The following SNTG2 variants were observed in gnomAD, a reference collection of about 807,000 sequenced individuals.
SNTG2 encodes gamma-2-syntrophin.
SNTG2 carries 74 observed loss-of-function variants against 70.9 expected under a neutral mutation model. That is an observed-to-expected ratio of 1.04 (90% CI 0.86 to 1.27). The LOEUF is 1.27. Ranked by LOEUF, SNTG2 falls within the 50% of genes most tolerant of loss-of-function variation. The pLI is 0.00. For synonymous variants in SNTG2, 278 were observed against 273.8 expected (o/e 1.02, Z -0.15); for missense variants, 717 against 690.7 (o/e 1.04, Z -0.43).
chr2:1,069,354 CTCTTG>C (rs1003653647), intron 1 of SNTG2, among the ~76,000 whole-genome samples: 29 of 150,264 alleles, frequency 1.9e-4, no homozygotes, highest in African/African-American at 6.8e-4. Context: ...AAAAAAAAAC[CTCTTG>C]TCTTCTGATT....
rs1351304745 is a variant in SNTG2 at position 1,137,829 on chromosome 2, T to C, written c.411+20T>C. ...GAAGTGGTAAGTGAATTACATTTTATAGTTATTCTGTTTATTATTCTTGTA... is the reference window on the plus strand; with the variant it reads ...GAAGTGGTAAGTGAATTACATTTTACAGTTATTCTGTTTATTATTCTTGTA... On this transcript the variant is annotated intron_variant, in intron 6 of 16. Transcript: ENST00000308624. 6.3e-7 allele frequency: 1 copy of C among 1,588,750 alleles called. No homozygotes were observed. Among genetic ancestry groups the C allele is most frequent in the East Asian group, 2.2e-5 (1 of 44,740 alleles).
At chr2:1,077,598 G>A (rs1664006768) in intron 1 of SNTG2, among the ~76,000 whole-genome samples, 1 of 152,118 alleles carries the variant, frequency 6.6e-6, no homozygotes, top group Non-Finnish European at 1.5e-5. Context: ...GTTACAGAAA[G>A]GTTTTTTATT....
chr2:1,042,593 C>CT (rs1661502169), intron 1 of SNTG2, among the ~76,000 whole-genome samples: 1 of 152,154 alleles, frequency 6.6e-6, no homozygotes, highest in Non-Finnish European at 1.5e-5. Flanking sequence ...CAGTATTTAG[C>CT]TCCCACTTAC....
At chr2:1,209,776 C>A (rs917135284) in intron 9 of SNTG2, among the ~76,000 whole-genome samples, 1 of 152,196 alleles carries the variant, frequency 6.6e-6, no homozygotes, top group Non-Finnish European at 1.5e-5. Flanking sequence ...GCTAATTGTG[C>A]TATTTAATTA....
intron 6 of SNTG2, among the ~76,000 whole-genome samples, chr2:1,153,523 G>A (rs1026267754): frequency 9.2e-5 from 14 of 152,202 alleles, no homozygotes; most frequent in Non-Finnish European, 7.3e-5. Context: ...TCTAAAAAGT[G>A]CGTACACAGT....
intron 8 of SNTG2, among the ~76,000 whole-genome samples, chr2:1,182,360 CAA>C (rs10587246): frequency 0.072 from 8,724 of 121,994 alleles, 281 homozygotes; most frequent in East Asian, 0.22. Context: ...TTAAAAATTT[CAA>C]AAAAAAAAAA....
chr2:1,293,091 C>T (rs543031979), intron 14 of SNTG2, among the ~76,000 whole-genome samples: 75 of 150,004 alleles, frequency 5.0e-4, no homozygotes, highest in Non-Finnish European at 1.9e-4. Flanking sequence ...GTGTGTCACA[C>T]GAATTTTTTC....
chr2:969,724 C>T (rs939827053), intron 1 of SNTG2, among the ~76,000 whole-genome samples: 2 of 152,162 alleles, frequency 1.3e-5, no homozygotes, highest in African/African-American at 4.8e-5. Flanking sequence ...TATCCTGAAA[C>T]TTTGCTGAAG....
chr2:1,254,979 T>C (rs569672971), intron 12 of SNTG2, among the ~76,000 whole-genome samples: 124 of 152,258 alleles, frequency 8.1e-4, no homozygotes, highest in African/African-American at 2.8e-3. Flanking sequence ...AATCGGCTGA[T>C]AAAGTGCCTC....
intron 1 of SNTG2, among the ~76,000 whole-genome samples, chr2:977,639 G>A (rs1417849262): frequency 6.6e-6 from 1 of 152,082 alleles, no homozygotes; most frequent in African/African-American, 2.4e-5. Flanking sequence ...CGTAAGTCAG[G>A]TCTCATCCCC....
chr2:1,034,122 T>C (rs1003354780), intron 1 of SNTG2, among the ~76,000 whole-genome samples: 3 of 152,096 alleles, frequency 2.0e-5, no homozygotes, highest in African/African-American at 7.2e-5. Flanking sequence ...TTTTCTGATC[T>C]TCTCCCTCCT....
chr2:1,007,028 C>CAAATAAATAAATAAAT (rs140776493), intron 1 of SNTG2, among the ~76,000 whole-genome samples: 6 of 61,372 alleles, frequency 9.8e-5, no homozygotes, highest in Non-Finnish European at 2.0e-4. Context: ...AACTCCATCT[C>CAAATAAATAAATAAAT]AAATAAATAA....
At chr2:1,072,292 G>C (rs1443522222) in intron 1 of SNTG2, among the ~76,000 whole-genome samples, 1 of 149,512 alleles carries the variant, frequency 6.7e-6, no homozygotes, top group Non-Finnish European at 1.5e-5. Context: ...AATGGAGTTT[G>C]TGACTTTAAG....
chr2:1,232,736 A>G (rs1676340416), intron 9 of SNTG2, among the ~76,000 whole-genome samples: 1 of 152,228 alleles, frequency 6.6e-6, no homozygotes, highest in African/African-American at 2.4e-5. Flanking sequence ...TCTAAATTGT[A>G]CTAAAAAATA....
At chr2:1,162,048 T>TG (rs1468105898) in intron 6 of SNTG2, among the ~76,000 whole-genome samples, 1 of 109,860 alleles carries the variant, frequency 9.1e-6, no homozygotes, top group Non-Finnish European at 1.7e-5. Context: ...CACTCCAGCC[T>TG]GGGCGACAGT....
chr2:1,109,879 G>A (rs1238912046), intron 4 of SNTG2, among the ~76,000 whole-genome samples: 1 of 152,176 alleles, frequency 6.6e-6, no homozygotes, highest in Non-Finnish European at 1.5e-5. Flanking sequence ...GGGGTGTTTT[G>A]TCCCCGAAAG....
chr2:957,101 T>G (rs1052194100), intron 1 of SNTG2, among the ~76,000 whole-genome samples: 6 of 152,222 alleles, frequency 3.9e-5, no homozygotes, highest in Non-Finnish European at 8.8e-5. Context: ...AAATTACTTC[T>G]TATACCTAAA....
intron 1 of SNTG2, among the ~76,000 whole-genome samples, chr2:1,040,729 G>A (rs1023081552): frequency 2.6e-5 from 4 of 152,202 alleles, no homozygotes; most frequent in Non-Finnish European, 4.4e-5. Context: ...TTCAAAAGAC[G>A]TGATGAAGAA....
intron 9 of SNTG2, among the ~76,000 whole-genome samples, chr2:1,210,969 A>G (rs1011510304): frequency 3.3e-5 from 5 of 152,178 alleles, no homozygotes; most frequent in Admixed American, 2.6e-4. Context: ...AAATCACCTA[A>G]TGACACAGCT....
Sources: allele counts gnomAD v4.1 joint callset (sites outside exome capture counted in the v4.1 genomes callset), GRCh38; gene constraint gnomAD v4.1.1; transcripts MANE v1.5; gene names NCBI Gene and HGNC (gene_info 2026-07-23, HGNC 2026-07-21).